The following EYA1 variants were observed in gnomAD, a reference collection of about 807,000 sequenced individuals.
EYA1 encodes the protein protein phosphatase EYA1.
Under a neutral mutation model 82.0 loss-of-function variants are expected in EYA1, and 16 were observed. The ratio of observed to expected loss-of-function variants is 0.20; its 90% CI spans 0.13 to 0.30. The LOEUF (loss-of-function observed/expected upper bound fraction) is 0.30, where lower values mean the gene tolerates loss of function less well. Among genes scored for constraint, EYA1 ranks in the 10% least tolerant of loss-of-function variants. EYA1 has a pLI of 1.00. For synonymous variants in EYA1, 261 were observed against 264.4 expected, an observed-to-expected ratio of 0.99 and a Z score of 0.12; for missense variants, 633 against 730.7, an observed-to-expected ratio of 0.87 and a Z score of 1.54.
At chr8:71,229,626 T>C (rs1272010167) in intron 12 of EYA1, among the ~76,000 whole-genome samples, 2 of 152,190 alleles carry the variant, frequency 1.3e-5, no homozygotes, top group South Asian at 2.1e-4. Flanking sequence ...ATTTTGTCAT[T>C]GAAGTTAGTT....
intron 2 of EYA1, among the ~76,000 whole-genome samples, chr8:71,507,973 A>C (rs1433581618): frequency 1.3e-5 from 2 of 152,202 alleles, no homozygotes; most frequent in Non-Finnish European, 2.9e-5. Flanking sequence ...TTATCTTCAT[A>C]TGAGTCTCCA....
intron 7 of EYA1, among the ~76,000 whole-genome samples, chr8:71,313,108 C>T (rs147581709): frequency 1.9e-3 from 288 of 152,224 alleles, no homozygotes; most frequent in African/African-American, 6.7e-3. Flanking sequence ...TTCCTTGCTT[C>T]CCCACTCTCA....
At chr8:71,512,097 A>T (rs1439347392) in intron 2 of EYA1, among the ~76,000 whole-genome samples, 1 of 152,232 alleles carries the variant, frequency 6.6e-6, no homozygotes, top group Non-Finnish European at 1.5e-5. Context: ...CCAATTTGAA[A>T]AGTGCTGCAC....
At chr8:71,472,075 A>G (rs1809249753) in intron 2 of EYA1, among the ~76,000 whole-genome samples, 1 of 152,094 alleles carries the variant, frequency 6.6e-6, no homozygotes, top group Non-Finnish European at 1.5e-5. Flanking sequence ...TTGGACCTTA[A>G]TATATGTTCT....
At chr8:71,351,401 C>T (rs968355313) in intron 3 of EYA1, among the ~76,000 whole-genome samples, 3 of 152,170 alleles carry the variant, frequency 2.0e-5, no homozygotes, top group Admixed American at 6.6e-5. Context: ...ATTTATGCTA[C>T]TATTTTCTAT....
intron 12 of EYA1, among the ~76,000 whole-genome samples, chr8:71,236,077 G>A: frequency 6.6e-6 from 1 of 152,200 alleles, no homozygotes; most frequent in African/African-American, 2.4e-5. Flanking sequence ...GTCTCACTCT[G>A]TCACTCAGGC....
Position 71,288,108 on chromosome 8 carries a change from A to G in EYA1, c.826+10939T>C, listed in dbSNP as rs138375986. Among the ~76,000 whole-genome samples, 430 of 152,268 alleles carry G rather than the reference A, an allele frequency of 2.8e-3. 1 individual carries two copies. The highest frequency in any genetic ancestry group is 9.9e-3 in the African/African-American group (411 of 41,560). On this transcript the variant is annotated intron_variant, in intron 9 of 17. Coordinates refer to ENST00000340726, the MANE Select transcript of EYA1 (RefSeq NM_000503.6). ...TGCTGGTCAAGAGACATTCATAGAC[A>G]TTCTCAGATGGGGTGTTGGGGGAAG...
chr8:71,290,023 C>T (rs1818821085), intron 9 of EYA1, among the ~76,000 whole-genome samples: 1 of 152,098 alleles, frequency 6.6e-6, no homozygotes, highest in Non-Finnish European at 1.5e-5. Context: ...GAGTATAGAA[C>T]ATGGAGGGAG....
intron 2 of EYA1, among the ~76,000 whole-genome samples, chr8:71,416,741 A>C (rs1376778543): frequency 1.3e-5 from 2 of 152,336 alleles, no homozygotes; most frequent in Admixed American, 1.3e-4. Context: ...GGGCCACCCC[A>C]GATGTACTGA....
At chr8:71,452,888 C>A (rs537466057) in intron 2 of EYA1, among the ~76,000 whole-genome samples, 1 of 152,300 alleles carries the variant, frequency 6.6e-6, no homozygotes, top group South Asian at 2.1e-4. Context: ...GAATGCAGCT[C>A]CTTGCCAGCA....
chr8:71,261,332 G>A (rs917707774), intron 11 of EYA1, among the ~76,000 whole-genome samples: 1 of 152,040 alleles, frequency 6.6e-6, no homozygotes, highest in African/African-American at 2.4e-5. Flanking sequence ...CTATCACTGG[G>A]CTACTTAGAT....
At chr8:71,277,882 C>A (rs1817384034) in intron 9 of EYA1, among the ~76,000 whole-genome samples, 1 of 152,088 alleles carries the variant, frequency 6.6e-6, no homozygotes, top group Admixed American at 6.5e-5. Context: ...TCATTAAGAG[C>A]TCATTTAAAA....
At chr8:71,364,374 C>A (rs959628791), upstream of EYA1, among the ~76,000 whole-genome samples, 1 of 151,848 alleles carries the variant, frequency 6.6e-6, no homozygotes, top group Non-Finnish European at 1.5e-5. Context: ...ACAATTTAAA[C>A]CAAAAGTAAG....
intron 2 of EYA1, among the ~76,000 whole-genome samples, chr8:71,472,511 A>G (rs1273768933): frequency 6.6e-6 from 1 of 152,120 alleles, no homozygotes; most frequent in Non-Finnish European, 1.5e-5. Flanking sequence ...GATAAAAACT[A>G]TTAAATAGTA....
intron 2 of EYA1, among the ~76,000 whole-genome samples, chr8:71,369,202 CAAA>C (rs368382614): frequency 3.5e-5 from 2 of 57,656 alleles, no homozygotes; most frequent in Non-Finnish European, 3.8e-5. Flanking sequence ...GACTCCGTCT[CAAA>C]AAAAAAAAAA....
chr8:71,211,375 C>G, intron 16 of EYA1, 119 bp from the exon 17 acceptor site: 1 of 705,276 alleles, frequency 1.4e-6, no homozygotes, highest in Admixed American at 2.0e-5. Flanking sequence ...CCACTAGTAC[C>G]TCTAAGAGGA....
At chr8:71,393,039 G>A (rs1829367666) in intron 2 of EYA1, among the ~76,000 whole-genome samples, 1 of 152,004 alleles carries the variant, frequency 6.6e-6, no homozygotes, top group African/African-American at 2.4e-5. Flanking sequence ...ATACCTTTCT[G>A]CAATATTTGA....
At chr8:71,357,814 TTGAGTA>T (rs1200132891) in intron 1 of EYA1, among the ~76,000 whole-genome samples, 31 of 152,318 alleles carry the variant, frequency 2.0e-4, no homozygotes, top group East Asian at 9.6e-4. Flanking sequence ...TAAAAGACGC[TTGAGTA>T]TAAGATAAAA....
At chr8:71,332,897 A>ATC (rs1315944626) in intron 4 of EYA1, among the ~76,000 whole-genome samples, 2 of 152,030 alleles carry the variant, frequency 1.3e-5, no homozygotes, top group African/African-American at 4.8e-5. Context: ...TTTGTCCAGC[A>ATC]TCTCTCTCTC....
Sources: allele counts gnomAD v4.1 joint callset (sites outside exome capture counted in the v4.1 genomes callset), GRCh38; gene constraint gnomAD v4.1.1; transcripts MANE v1.5; gene names NCBI Gene and HGNC (gene_info 2026-07-23, HGNC 2026-07-21).